Variants in ENTHD1 observed in about 807,000 individuals in gnomAD.
ENTHD1 encodes ENTH domain containing 1.
Under a neutral mutation model 39.1 loss-of-function variants are expected in ENTHD1, and 23 were observed. The ratio of observed to expected loss-of-function variants is 0.59; its 90% CI spans 0.42 to 0.83. The LOEUF (loss-of-function observed/expected upper bound fraction) is 0.83. ENTHD1 is among the 40% of genes least tolerant of loss of function. The probability of loss-of-function intolerance (pLI) is 0.00; values close to 1 mark genes in which losing one functional copy is unlikely to be tolerated. For missense variants in ENTHD1, 624 were observed against 705.4 expected, an observed-to-expected ratio of 0.88 and a Z score of 1.31; for synonymous variants, 230 against 258.2, an observed-to-expected ratio of 0.89 and a Z score of 1.05.
chr22:39,846,186 A>G (rs2065987024), intron 3 of ENTHD1, among the ~76,000 whole-genome samples: 1 of 152,216 alleles, frequency 6.6e-6, no homozygotes, highest in African/African-American at 2.4e-5. Context: ...CTGTAAAACT[A>G]CTAGAAGAAA....
At chr22:39,875,181 C>T in intron 2 of ENTHD1, 1 of 627,432 alleles carries the variant, frequency 1.6e-6, no homozygotes, top group Non-Finnish European at 2.2e-6. Context: ...ATATGGATGA[C>T]TCTCAGAAAC....
chr22:39,881,717 C>T lies in ENTHD1; in HGVS notation c.349+5683G>A, dbSNP rs576069052. Among the ~76,000 whole-genome samples the T allele has an allele frequency of 4.6e-5, 7 of 152,192 alleles. No individual in the cohort carries two copies. The East Asian group carries it at 5.8e-4, about 13-fold the overall frequency. ...AGATGAGAAGCGCTATGGGGAAAAA[C>T]GAAACAGAAGGTGGCCAGGGCATAT... On this transcript the variant is annotated intron_variant, in intron 2 of 6. Transcript: ENST00000325157.
intron 6 of ENTHD1, among the ~76,000 whole-genome samples, chr22:39,754,913 T>C (rs144050710): frequency 6.6e-6 from 1 of 152,358 alleles, no homozygotes; most frequent in East Asian, 1.9e-4. Context: ...AGTTCAAATT[T>C]CTTAACCTGG....
chr22:39,886,932 C>T (rs780205281), intron 2 of ENTHD1, among the ~76,000 whole-genome samples: 2 of 152,160 alleles, frequency 1.3e-5, no homozygotes, highest in Non-Finnish European at 2.9e-5. Flanking sequence ...CATTATTACA[C>T]CAAATTGCCA....
At chr22:39,875,555 T>G in intron 2 of ENTHD1, 1 of 1,611,738 alleles carries the variant, frequency 6.2e-7, no homozygotes, top group Middle Eastern at 1.7e-4. Context: ...GCCTGACTTC[T>G]CTGAATACCG....
intron 2 of ENTHD1, among the ~76,000 whole-genome samples, chr22:39,873,836 C>A (rs1471037925): frequency 6.6e-6 from 1 of 152,286 alleles, no homozygotes; most frequent in Non-Finnish European, 1.5e-5. Context: ...AAACATAGAA[C>A]ATATTCCTTG....
Position 39,763,486 on chromosome 22 carries a change from C to T in ENTHD1, c.1219+1737G>A, listed in dbSNP as rs541196736. On this transcript the variant is annotated intron_variant, in intron 6 of 6. Transcript: ENST00000325157. Reference sequence around the variant, plus strand: ...GTGTCTCCCAAGCTCAGTGAGACTGCGGAAAGCCTACGCCTCTGATTTTTC... The same window carrying T: ...GTGTCTCCCAAGCTCAGTGAGACTGTGGAAAGCCTACGCCTCTGATTTTTC... Among the ~76,000 whole-genome samples, 266 of 152,252 alleles carry T rather than the reference C, an allele frequency of 1.7e-3. 1 individual carries two copies. The highest frequency in any genetic ancestry group is 6.2e-3 in the African/African-American group (258 of 41,558).
At chr22:39,830,722 C>T (rs2065862593) in intron 4 of ENTHD1, among the ~76,000 whole-genome samples, 1 of 152,074 alleles carries the variant, frequency 6.6e-6, no homozygotes, top group South Asian at 2.1e-4. Context: ...TGAATAAAGA[C>T]TAAACAGGTC....
chr22:39,756,752 C>T (rs2065188723), intron 6 of ENTHD1, among the ~76,000 whole-genome samples: 2 of 152,162 alleles, frequency 1.3e-5, no homozygotes, highest in Admixed American at 1.3e-4. Flanking sequence ...CAACCAATCA[C>T]CTTACCTGAT....
intron 3 of ENTHD1, among the ~76,000 whole-genome samples, chr22:39,842,812 C>T (rs2065955549): frequency 6.7e-6 from 1 of 148,902 alleles, no homozygotes; most frequent in Non-Finnish European, 1.5e-5. Flanking sequence ...CATGAACAGA[C>T]ACTTCTCAAA....
intron 4 of ENTHD1, among the ~76,000 whole-genome samples, 178 bp from the exon 5 acceptor site, chr22:39,821,291 G>A (rs775066542): frequency 3.3e-5 from 5 of 151,940 alleles, no homozygotes; most frequent in Non-Finnish European, 7.4e-5. Flanking sequence ...GAGGTTTTGT[G>A]CCCTCGGGAA....
chr22:39,805,196 C>T (rs901589431), intron 5 of ENTHD1, among the ~76,000 whole-genome samples: 2 of 152,134 alleles, frequency 1.3e-5, no homozygotes, highest in Non-Finnish European at 2.9e-5. Flanking sequence ...ATTCTGAGGG[C>T]GAAGAAGATT....
intron 6 of ENTHD1, 61 bp from the exon 7 acceptor site, chr22:39,744,344 AAAT>A: frequency 7.0e-7 from 1 of 1,434,692 alleles, no homozygotes; most frequent in Non-Finnish European, 9.3e-7. Flanking sequence ...GTAATAGCTA[AAAT>A]AATTTTATAA....
In ENTHD1 at chr22:39,811,412, A is replaced by T. The variant is rs562238923; in HGVS notation, c.832+9581T>A. 3.9e-5 allele frequency among the ~76,000 whole-genome samples: 6 copies of T among 152,340 alleles called. No individual in the cohort carries two copies. In the South Asian group the frequency reaches 1.2e-3, roughly 32 times the overall value. On this transcript the variant is annotated intron_variant, in intron 5 of 6. Coordinates refer to ENST00000325157, the MANE Select transcript of ENTHD1 (RefSeq NM_152512.4). Reference sequence around the variant, plus strand: ...GGGAAGTGCCTGAGGCAGACAGGTGATCAATGGAGCCTCTGACAGGCAGCA... The same window carrying T: ...GGGAAGTGCCTGAGGCAGACAGGTGTTCAATGGAGCCTCTGACAGGCAGCA...
chr22:39,791,316 TAA>T (rs2065502179), intron 5 of ENTHD1, among the ~76,000 whole-genome samples: 1 of 148,174 alleles, frequency 6.7e-6, no homozygotes, highest in African/African-American at 2.4e-5. Context: ...ATTTTATATA[TAA>T]AGATATATTA....
intron 5 of ENTHD1, among the ~76,000 whole-genome samples, chr22:39,812,305 G>T (rs578005299): frequency 4.6e-5 from 7 of 152,268 alleles, no homozygotes; most frequent in Admixed American, 2.6e-4. Context: ...CTGAAAGACC[G>T]CAGGAGAATC....
chr22:39,812,056 T>C (rs556030817), intron 5 of ENTHD1, among the ~76,000 whole-genome samples: 3 of 150,882 alleles, frequency 2.0e-5, no homozygotes, highest in Non-Finnish European at 4.4e-5. Flanking sequence ...CTGAAGCCCA[T>C]GTAAACAATG....
chr22:39,822,279 G>A (rs942706415), intron 4 of ENTHD1, among the ~76,000 whole-genome samples: 1 of 151,566 alleles, frequency 6.6e-6, no homozygotes, highest in African/African-American at 2.4e-5. Flanking sequence ...TGTAGAGCTC[G>A]ATAACTTTTA....
At chr22:39,869,257 A>G (rs2066216883) in intron 2 of ENTHD1, among the ~76,000 whole-genome samples, 1 of 152,246 alleles carries the variant, frequency 6.6e-6, no homozygotes, top group Non-Finnish European at 1.5e-5. Context: ...AGTGTGGTAC[A>G]TATACCACGA....
Sources: gnomAD v4.1 joint callset for allele counts (sites outside exome capture counted in the v4.1 genomes callset) on GRCh38, gnomAD v4.1.1 for gene constraint, MANE v1.5 for transcripts, NCBI Gene and HGNC (gene_info 2026-07-23, HGNC 2026-07-21) for gene names.